HP1BP3: variants seen among roughly 807,000 people sequenced by gnomAD.
The protein encoded by HP1BP3 is heterochromatin protein 1 binding protein 3, also known as heterochromatin protein 1-binding protein 3.
In HP1BP3, 12 loss-of-function variants were observed where a neutral mutation model predicts 62.5. The observed-to-expected ratio is 0.19, with a 90% CI of 0.12 to 0.31. HP1BP3 has a LOEUF of 0.31. HP1BP3 is among the 10% of genes least tolerant of loss of function. The pLI is 1.00. For synonymous variants in HP1BP3, 260 were observed against 237.8 expected (o/e 1.09, Z -0.86); for missense variants, 502 against 651.8 (o/e 0.77, Z 2.50).
At chr1:20,762,522 C>G (rs1227508392) in intron 8 of HP1BP3, among the ~76,000 whole-genome samples, 1 of 152,172 alleles carries the variant, frequency 6.6e-6, no homozygotes, top group Non-Finnish European at 1.5e-5. Flanking sequence ...CACGAATCCC[C>G]TAATCACAAG....
At chr1:20,770,177 T>C (rs908509105) in intron 6 of HP1BP3, among the ~76,000 whole-genome samples, 3 of 152,214 alleles carry the variant, frequency 2.0e-5, no homozygotes, top group Non-Finnish European at 4.4e-5. Context: ...CGGGTTTCTC[T>C]GATACTCTTA....
intron 8 of HP1BP3, among the ~76,000 whole-genome samples, 188 bp downstream of exon 8, chr1:20,765,189 A>C (rs2056717868): frequency 6.6e-6 from 1 of 151,596 alleles, no homozygotes; most frequent in African/African-American, 2.4e-5. Context: ...AAAAAAAAAA[A>C]AAAAAAAATT....
Position 20,780,509 on chromosome 1 carries a change from T to C in HP1BP3, c.-69A>G. ...CTCTGCTGTTAACCACAAGGATTTT[T>C]CCTAATGGTTTCAGTGTGGTGAAGA... On this transcript the variant is annotated 5_prime_UTR_variant, in exon 2 of 13. Transcript: ENST00000438032. 1 of 1,112,126 alleles carries C rather than the reference T, an allele frequency of 9.0e-7. No individual in the cohort carries two copies. The highest frequency in any genetic ancestry group is 1.4e-6 in the Non-Finnish European group (1 of 727,644). 68.9% of individuals were successfully genotyped at this position (1,112,126 alleles called of 1,614,324 possible). A position where few individuals can be genotyped will look rare whatever the true frequency, so the allele number is the denominator to read the frequency against.
At chr1:20,755,457 C>T (rs2056047722) in intron 9 of HP1BP3, 2 of 418,158 alleles carry the variant, frequency 4.8e-6, no homozygotes, top group South Asian at 3.4e-5. Context: ...CGCCTATAAT[C>T]CCAGCTATTA....
intron 8 of HP1BP3, among the ~76,000 whole-genome samples, chr1:20,761,188 G>A (rs997325138): frequency 1.3e-5 from 2 of 152,024 alleles, no homozygotes; most frequent in African/African-American, 4.8e-5. Flanking sequence ...GGAACTACAG[G>A]CACGTGCCAC....
rs1363455648 is a variant in HP1BP3, at chr1:20,744,891, G to A, written c.1568C>T (p.Ser523Phe). 1 of 1,614,018 alleles carries A rather than the reference G, an allele frequency of 6.2e-7. No homozygotes were observed. The highest frequency in any genetic ancestry group is 1.3e-5 in the African/African-American group (1 of 74,908). The change falls in exon 13 of 13, where the codon TCC (serine) becomes TTC (phenylalanine). Residue 523 changes from serine (S) to phenylalanine (F), a missense_variant. Around this residue, in one of 5 missense-constraint regions of HP1BP3, gnomAD observed 194 missense variants for 207.0 expected, o/e 0.94. Coordinates refer to ENST00000438032, the MANE Select transcript of HP1BP3 (RefSeq NM_001372052.1). Reference protein sequence around the residue: ...STVIKKPSGGSSKKPATSARK... With the variant: ...STVIKKPSGGFSKKPATSARK... ...TGCACTGGTTGCAGGCTTCTTTGAG[G>A]AGCCACCACTAGGTTTCTTGATGAC... is the stretch of plus-strand genomic sequence containing the variant.
chr1:20,745,971 C>T (rs1369931252), intron 11 of HP1BP3, among the ~76,000 whole-genome samples: 4 of 151,906 alleles, frequency 2.6e-5, no homozygotes, highest in Non-Finnish European at 5.9e-5. Flanking sequence ...CCAATGAGTA[C>T]ACAGCAATGA....
At chr1:20,756,718 GTTTT>G (rs568468417) in intron 9 of HP1BP3, among the ~76,000 whole-genome samples, 271 of 152,136 alleles carry the variant, frequency 1.8e-3, no homozygotes, top group African/African-American at 5.2e-3. Flanking sequence ...ATTTCTTTGT[GTTTT>G]TTTGTTTGTT....
intron 6 of HP1BP3, among the ~76,000 whole-genome samples, chr1:20,769,493 G>C (rs1430226212): frequency 6.6e-6 from 1 of 152,188 alleles, no homozygotes; most frequent in Non-Finnish European, 1.5e-5. Flanking sequence ...AGCAGGTAGA[G>C]AGTGCGGTGA....
chr1:20,757,304 G>C lies in HP1BP3; in HGVS notation c.891-48C>G, dbSNP rs747152416. On this transcript the variant is annotated intron_variant, in intron 8 of 12. Coordinates refer to ENST00000438032, the MANE Select transcript of HP1BP3 (RefSeq NM_001372052.1). ...AATAGTGATAAATACATTAATGAAAGAAAAATGTAAAGAAATAGATACAGG... is the reference window on the plus strand; with the variant it reads ...AATAGTGATAAATACATTAATGAAACAAAAATGTAAAGAAATAGATACAGG... The C allele has an allele frequency of 2.6e-6, 3 of 1,141,114 alleles. No homozygotes were observed. The Admixed American group carries it at 6.3e-5, about 24-fold the overall frequency. 70.7% of individuals were successfully genotyped at this position (1,141,114 alleles called of 1,614,324 possible).
intron 3 of HP1BP3, among the ~76,000 whole-genome samples, chr1:20,778,628 C>T (rs781769206): frequency 3.3e-5 from 5 of 151,944 alleles, no homozygotes; most frequent in Non-Finnish European, 5.9e-5. Flanking sequence ...TTTGGATTCC[C>T]GTGTTTCTTA....
At chr1:20,753,846 A>G (rs529205618) in intron 9 of HP1BP3, among the ~76,000 whole-genome samples, 1 of 152,302 alleles carries the variant, frequency 6.6e-6, no homozygotes, top group African/African-American at 2.4e-5. Flanking sequence ...CCAGGAAACT[A>G]GTAGTATATA....
At chr1:20,758,820 G>C (rs937629574) in intron 8 of HP1BP3, among the ~76,000 whole-genome samples, 1 of 150,380 alleles carries the variant, frequency 6.6e-6, no homozygotes, top group Non-Finnish European at 1.5e-5. Flanking sequence ...GCTAATTTTT[G>C]TTATTTTTTT....
chr1:20,745,588 G>T lies in HP1BP3; in HGVS notation c.1322C>A (p.Ser441Ter). 6.2e-7 allele frequency: 1 copy of T among 1,613,732 alleles called. No homozygotes were observed. The highest frequency in any genetic ancestry group is 1.1e-5 in the South Asian group (1 of 91,062). The change falls in exon 12 of 13, where the codon TCA (serine) becomes TAA (stop). Residue 441 changes from serine (S) to a stop codon, truncating the protein, a stop_gained. Transcript: ENST00000438032. LOFTEE classifies it high-confidence loss of function. ...TTCATCCTCAGAGTCTTCTTCTGAT[G>T]ACTCATCTTCATCTTCATCCTCATC... Reference protein sequence around the residue: ...SRDEDEDEDESSEEDSEDEEP... With the variant: ...SRDEDEDEDE
At chr1:20,776,169 T>G in intron 4 of HP1BP3, 2 of 607,550 alleles carry the variant, frequency 3.3e-6, no homozygotes, top group Non-Finnish European at 2.7e-6. Context: ...TACCAATGGC[T>G]TGATACAAAT....
chr1:20,781,285 A>T (rs1473206028), intron 1 of HP1BP3, among the ~76,000 whole-genome samples: 1 of 152,202 alleles, frequency 6.6e-6, no homozygotes, highest in Non-Finnish European at 1.5e-5. Flanking sequence ...AAAAAAGACC[A>T]CTTAAGTATC....
chr1:20,750,581 A>T (rs1381315333), intron 9 of HP1BP3, among the ~76,000 whole-genome samples: 1 of 151,526 alleles, frequency 6.6e-6, no homozygotes, highest in Non-Finnish European at 1.5e-5. Flanking sequence ...TTATTTGAGA[A>T]TACTTCACTT....
intron 8 of HP1BP3, among the ~76,000 whole-genome samples, chr1:20,757,971 T>C (rs1443710517): frequency 1.3e-5 from 2 of 151,760 alleles, no homozygotes; most frequent in Non-Finnish European, 2.9e-5. Context: ...TAGTGAAACC[T>C]CAGCTCTACT....
chr1:20,787,153 G>C (rs1212075521), intron 1 of HP1BP3, 42 bp downstream of exon 1: 6 of 151,630 alleles, frequency 4.0e-5, no homozygotes, highest in African/African-American at 1.5e-4. Context: ...GGCCCAGCGA[G>C]CCCGCGCCCA....
Sources: gnomAD v4.1 joint callset for allele counts (sites outside exome capture counted in the v4.1 genomes callset) on GRCh38, gnomAD v4.1.1 for gene constraint, gnomAD v4.1.1 regional missense constraint, MANE v1.5 for transcripts, NCBI Gene and HGNC (gene_info 2026-07-23, HGNC 2026-07-21) for gene names.